STARD13: variants seen among roughly 807,000 people sequenced by gnomAD.
The protein encoded by STARD13 is StAR related lipid transfer domain containing 13.
A neutral mutation model predicts 106.4 loss-of-function variants in STARD13; 62 were observed. The observed-to-expected ratio is 0.58, with a 90% CI of 0.48 to 0.72. The LOEUF (loss-of-function observed/expected upper bound fraction) is 0.72. Ranked by LOEUF, STARD13 falls within the 30% of genes least tolerant of loss-of-function variation. The probability of loss-of-function intolerance (pLI) is 0.00; values close to 1 mark genes in which losing one functional copy is unlikely to be tolerated. For missense variants in STARD13, 1,387 were observed against 1,424.0 expected (o/e 0.97, Z 0.42); for synonymous variants, 565 against 553.0 (o/e 1.02, Z -0.31).
intron 4 of STARD13, 91 bp downstream of exon 4, chr13:33,142,219 A>G (rs1424829686): frequency 4.1e-6 from 4 of 963,906 alleles, no homozygotes; most frequent in Non-Finnish European, 6.6e-6. Flanking sequence ...TTTTTTGTAG[A>G]CACAAGGGTC....
the STARD13 span, among the ~76,000 whole-genome samples, chr13:33,635,097 C>A: frequency 1.3e-5 from 2 of 152,188 alleles, no homozygotes; most frequent in East Asian, 3.9e-4. Context: ...GGATCGCTTA[C>A]GAAGTAAAGC....
the STARD13 span, among the ~76,000 whole-genome samples, chr13:33,406,377 T>A: frequency 6.6e-6 from 1 of 152,356 alleles, no homozygotes; most frequent in South Asian, 2.1e-4. Context: ...TTCTTACTAT[T>A]TATGGTGATT....
intron 1 of STARD13, among the ~76,000 whole-genome samples, chr13:33,182,319 A>C (rs1885317910): frequency 6.6e-6 from 1 of 152,218 alleles, no homozygotes; most frequent in Admixed American, 6.5e-5. Flanking sequence ...TTAATGTAAA[A>C]ATGGAACACA....
At chr13:33,253,518 C>CA (rs1260163404) in intron 1 of STARD13, among the ~76,000 whole-genome samples, 1 of 152,174 alleles carries the variant, frequency 6.6e-6, no homozygotes, top group African/African-American at 2.4e-5. Context: ...ACAAGGGCCG[C>CA]AGCGTGTATT....
rs1875698567 is a variant in STARD13 at position 33,118,230 on chromosome 13, G to A, written c.2116C>T (p.Arg706Ter). 5 of 1,614,138 alleles carry A rather than the reference G, an allele frequency of 3.1e-6. No individual in the cohort carries two copies. The highest frequency in any genetic ancestry group is 4.2e-6 in the Non-Finnish European group (5 of 1,180,024). ...GLFRKSGVKS[R>*]IHALRQMNEN... is the part of the protein sequence containing the mutation. Reference sequence around the variant, plus strand: ...TTCATTTGGCGAAGGGCATGGATTCGAGACTTCACTCCTGATTTGCGAAAA... The same window carrying A: ...TTCATTTGGCGAAGGGCATGGATTCAAGACTTCACTCCTGATTTGCGAAAA... The change falls in exon 8 of 14, where the codon CGA becomes TGA. Residue 706 changes from arginine to a stop codon, truncating the protein, a stop_gained. Transcript: ENST00000336934. LOFTEE classifies it high-confidence loss of function.
chr13:33,521,510 T>C, the STARD13 span, among the ~76,000 whole-genome samples: 1,013 of 152,238 alleles, frequency 6.7e-3, 17 homozygotes, highest in Non-Finnish European at 8.1e-3. Flanking sequence ...ATCAAATGGG[T>C]TCCTCTGCCA....
the STARD13 span, among the ~76,000 whole-genome samples, chr13:33,401,499 C>A: frequency 6.6e-6 from 1 of 152,212 alleles, no homozygotes; most frequent in African/African-American, 2.4e-5. Context: ...CACTGAGAGC[C>A]TGAGAACTTG....
chr13:33,576,321 C>T, the STARD13 span, among the ~76,000 whole-genome samples: 1 of 152,156 alleles, frequency 6.6e-6, no homozygotes, highest in South Asian at 2.1e-4. Context: ...CTCCTGGGCT[C>T]AAGCAGTTCT....
At chr13:33,671,431 A>G in the STARD13 span, among the ~76,000 whole-genome samples, 1 of 152,222 alleles carries the variant, frequency 6.6e-6, no homozygotes, top group Non-Finnish European at 1.5e-5. Context: ...TAAAATGCAT[A>G]TGTTATTTTA....
At chr13:33,163,613 T>TATATATATAAAACATATATATATAAC (rs1474247321) in intron 3 of STARD13, among the ~76,000 whole-genome samples, 26 of 132,122 alleles carry the variant, frequency 2.0e-4, no homozygotes, top group Non-Finnish European at 3.9e-4. Context: ...AAAATATATA[T>TATATATATAAAACATATATATATAAC]ATATATATAT....
At chr13:33,267,326 A>G (rs1183063026) in intron 1 of STARD13, among the ~76,000 whole-genome samples, 1 of 152,200 alleles carries the variant, frequency 6.6e-6, no homozygotes, top group East Asian at 1.9e-4. Context: ...AAAGACAGGC[A>G]TGGACACTTT....
the STARD13 span, among the ~76,000 whole-genome samples, chr13:33,661,934 A>G: frequency 2.6e-5 from 4 of 152,030 alleles, no homozygotes; most frequent in African/African-American, 7.2e-5. Flanking sequence ...TTATATTCTA[A>G]TATACATATA....
the STARD13 span, among the ~76,000 whole-genome samples, chr13:33,537,766 G>A: frequency 6.6e-5 from 10 of 152,176 alleles, no homozygotes; most frequent in Admixed American, 6.5e-4. Flanking sequence ...ACATATGCTT[G>A]TATTTTAAGA....
chr13:33,142,502 T>G, intron 3 of STARD13, 129 bp from the exon 4 acceptor site: 2 of 779,448 alleles, frequency 2.6e-6, no homozygotes, highest in Non-Finnish European at 4.3e-6. Flanking sequence ...AAGACAGTAC[T>G]GCACCCACAG....
intron 1 of STARD13, among the ~76,000 whole-genome samples, chr13:33,240,327 A>T (rs1004006296): frequency 6.6e-6 from 1 of 152,052 alleles, no homozygotes; most frequent in Non-Finnish European, 1.5e-5. Flanking sequence ...GAAGCCTCCA[A>T]CTTTGTCCTT....
chr13:33,116,762 C>A (rs918076625), intron 8 of STARD13, among the ~76,000 whole-genome samples: 2 of 152,228 alleles, frequency 1.3e-5, no homozygotes, highest in Non-Finnish European at 2.9e-5. Context: ...GCTCTAGCAA[C>A]TTGTACCATT....
chr13:33,589,292 A>G, the STARD13 span, among the ~76,000 whole-genome samples: 3 of 151,816 alleles, frequency 2.0e-5, no homozygotes, highest in African/African-American at 7.3e-5. Context: ...TTGTGTCTCT[A>G]TCTCCTTCAG....
At chr13:33,427,516 T>A in the STARD13 span, among the ~76,000 whole-genome samples, 3 of 152,160 alleles carry the variant, frequency 2.0e-5, no homozygotes, top group African/African-American at 7.2e-5. Flanking sequence ...CATAAAGATA[T>A]TCCCTTTTTT....
chr13:33,629,697 C>T, the STARD13 span, among the ~76,000 whole-genome samples: 1 of 152,186 alleles, frequency 6.6e-6, no homozygotes, highest in East Asian at 1.9e-4. Context: ...AAGCTGGTGT[C>T]TTTAGATGTG....
Sources: gnomAD v4.1 joint callset for allele counts (sites outside exome capture counted in the v4.1 genomes callset) on GRCh38, gnomAD v4.1.1 for gene constraint, MANE v1.5 for transcripts, NCBI Gene and HGNC (gene_info 2026-07-23, HGNC 2026-07-21) for gene names.